The following INPP4B variants were observed in gnomAD, a reference collection of about 807,000 sequenced individuals.
The protein encoded by INPP4B is inositol polyphosphate 4-phosphatase type II.
A neutral mutation model predicts 122.5 loss-of-function variants in INPP4B; 55 were observed. That is an observed-to-expected ratio of 0.45 (90% CI 0.36 to 0.56). INPP4B has a LOEUF of 0.56. INPP4B is among the 20% of genes least tolerant of loss of function. The pLI, the probability that INPP4B is intolerant of heterozygous loss-of-function variation, is 0.00. For missense variants in INPP4B, 1,000 were observed against 1,097.7 expected (o/e 0.91, Z 1.26); for synonymous variants, 403 against 388.7 (o/e 1.04, Z -0.43).
At position 142,489,008 on chromosome 4, in the gene INPP4B, CCAAA is replaced by C. The variant is rs529679227; in HGVS notation, c.-190-26286_-190-26283del. ...AGCATTTAAAAATGTTCATTTGTTC[CCAAA>C]CACTTTTCTAGCTTCTCCCCACAAA... On this transcript the variant is annotated intron_variant, in intron 2 of 25. Transcript: ENST00000262992. Among the ~76,000 whole-genome samples the C allele has an allele frequency of 1.4e-3, 208 of 152,018 alleles. 1 individual carries two copies. The highest frequency in any genetic ancestry group is 4.7e-3 in the African/African-American group (196 of 41,480).
At chr4:142,208,352 C>G in intron 14 of INPP4B, 73 bp downstream of exon 14, 1 of 664,208 alleles carries the variant, frequency 1.5e-6, no homozygotes, top group South Asian at 3.1e-5. Flanking sequence ...TGAATTCTGC[C>G]AATAGTCAAG....
At chr4:142,270,982 A>C (rs1476613405) in intron 9 of INPP4B, among the ~76,000 whole-genome samples, 2 of 149,762 alleles carry the variant, frequency 1.3e-5, no homozygotes, top group African/African-American at 4.9e-5. Flanking sequence ...TTTTTTTTTG[A>C]GATCAAGTTT....
At chr4:142,717,469 A>C (rs1763928173) in intron 2 of INPP4B, among the ~76,000 whole-genome samples, 1 of 152,236 alleles carries the variant, frequency 6.6e-6, no homozygotes, top group African/African-American at 2.4e-5. Flanking sequence ...CTGGGATTCG[A>C]ACCCAAACTA....
chr4:142,305,626 AG>A (rs1302613548), intron 8 of INPP4B, 89 bp from the exon 9 acceptor site: 5 of 1,514,536 alleles, frequency 3.3e-6, no homozygotes, highest in Non-Finnish European at 4.5e-6. Context: ...AGTCTTTAGA[AG>A]AATGAAATAT....
intron 9 of INPP4B, among the ~76,000 whole-genome samples, chr4:142,279,498 G>C (rs1750167775): frequency 6.6e-6 from 1 of 151,454 alleles, no homozygotes; most frequent in African/African-American, 2.4e-5. Context: ...TGAACTAAAA[G>C]TAGTCTTTTC....
chr4:142,045,125 A>G (rs903119207), intron 25 of INPP4B, among the ~76,000 whole-genome samples: 1 of 152,176 alleles, frequency 6.6e-6, no homozygotes, highest in African/African-American at 2.4e-5. Flanking sequence ...ATCTTTGCAT[A>G]TAATTTTAAA....
At chr4:142,308,203 C>G (rs1579686793) in intron 8 of INPP4B, among the ~76,000 whole-genome samples, 1 of 152,154 alleles carries the variant, frequency 6.6e-6, no homozygotes, top group South Asian at 2.1e-4. Flanking sequence ...TCCATTATAA[C>G]TGTCAGCCAC....
chr4:142,151,092 A>G (rs1408995900), intron 17 of INPP4B, among the ~76,000 whole-genome samples: 1 of 152,154 alleles, frequency 6.6e-6, no homozygotes, highest in East Asian at 1.9e-4. Context: ...TTTATCCTTG[A>G]TTTTGATTGA....
chr4:142,396,436 A>G (rs2149063344), intron 7 of INPP4B, among the ~76,000 whole-genome samples: 1 of 152,284 alleles, frequency 6.6e-6, no homozygotes, highest in African/African-American at 2.4e-5. Context: ...ACCCACTAAA[A>G]TAGCTAAGTG....
At chr4:142,600,815 G>T (rs1223922910) in intron 2 of INPP4B, among the ~76,000 whole-genome samples, 1 of 152,012 alleles carries the variant, frequency 6.6e-6, no homozygotes, top group Admixed American at 6.6e-5. Context: ...TTTACCAATA[G>T]AGGCACATAT....
intron 1 of INPP4B, among the ~76,000 whole-genome samples, chr4:142,832,203 C>T (rs1466818672): frequency 2.0e-5 from 3 of 152,074 alleles, no homozygotes; most frequent in South Asian, 2.1e-4. Context: ...GTGTGCCCGA[C>T]GCACATAAAA....
chr4:142,821,982 G>A (rs1437101351), intron 1 of INPP4B, among the ~76,000 whole-genome samples: 1 of 152,136 alleles, frequency 6.6e-6, no homozygotes, highest in East Asian at 1.9e-4. Flanking sequence ...GGTGAGAAGT[G>A]ATAGGTGGAA....
chr4:142,068,095 C>T (rs1764697091), intron 25 of INPP4B, among the ~76,000 whole-genome samples: 1 of 152,146 alleles, frequency 6.6e-6, no homozygotes, highest in African/African-American at 2.4e-5. Context: ...GGTTGGGTTA[C>T]CCATAAAGGT....
chr4:142,388,584 A>G (rs965878312), intron 7 of INPP4B, among the ~76,000 whole-genome samples: 3 of 152,144 alleles, frequency 2.0e-5, no homozygotes, highest in Non-Finnish European at 4.4e-5. Flanking sequence ...AATAGATCCC[A>G]CTCAGAGTCT....
chr4:142,262,050 G>T (rs1211140565), intron 10 of INPP4B, among the ~76,000 whole-genome samples: 1 of 152,048 alleles, frequency 6.6e-6, no homozygotes, highest in East Asian at 1.9e-4. Flanking sequence ...TAAATCACTA[G>T]AATGATGTTC....
intron 2 of INPP4B, among the ~76,000 whole-genome samples, chr4:142,600,369 C>A (rs2150293139): frequency 6.6e-6 from 1 of 152,208 alleles, no homozygotes. Context: ...CTATATCAAG[C>A]AAAATTATCC....
intron 11 of INPP4B, among the ~76,000 whole-genome samples, chr4:142,258,473 C>T (rs1190231693): frequency 1.3e-5 from 2 of 152,124 alleles, no homozygotes; most frequent in African/African-American, 4.8e-5. Flanking sequence ...GGACTAATAT[C>T]CAGAATCTAC....
chr4:142,637,183 C>A (rs998465360), intron 2 of INPP4B, among the ~76,000 whole-genome samples: 3 of 152,110 alleles, frequency 2.0e-5, no homozygotes, highest in African/African-American at 4.8e-5. Flanking sequence ...ATGGATGAAC[C>A]TGCATTGACA....
intron 11 of INPP4B, among the ~76,000 whole-genome samples, chr4:142,250,433 T>C (rs1383228350): frequency 1.3e-5 from 2 of 152,192 alleles, no homozygotes; most frequent in Non-Finnish European, 2.9e-5. Context: ...AAGACATTAA[T>C]ACAAAGACTT....
Sources: allele counts gnomAD v4.1 joint callset (sites outside exome capture counted in the v4.1 genomes callset), GRCh38; gene constraint gnomAD v4.1.1; transcripts MANE v1.5; gene names NCBI Gene and HGNC (gene_info 2026-07-23, HGNC 2026-07-21).